ZNF565: variants seen among roughly 807,000 people sequenced by gnomAD.
The protein encoded by ZNF565 is zinc finger protein 565.
ZNF565 carries 27 observed loss-of-function variants against 39.4 expected under a neutral mutation model. The ratio of observed to expected loss-of-function variants is 0.69; its 90% CI spans 0.51 to 0.95. The LOEUF is 0.95. ZNF565 is among the 40% of genes least tolerant of loss of function. ZNF565 has a pLI of 0.00. For synonymous variants in ZNF565, 185 were observed against 216.6 expected, an observed-to-expected ratio of 0.85 and a Z score of 1.28; for missense variants, 524 against 621.1, an observed-to-expected ratio of 0.84 and a Z score of 1.66.
chr19:36,183,417 A>G lies in ZNF565; in HGVS notation c.549T>C (p.Ile183=). The change falls in exon 5 of 5, where the codon ATT becomes ATC. Residue 183 remains isoleucine (I), a synonymous_variant. Transcript: ENST00000304116. ...GKAFSRGSHL[I]QHQKIHTGEK... is the part of the protein sequence containing the mutation. The stretch of plus-strand genomic sequence containing the variant: ...CACCAGTGTGAATTTTCTGATGTTG[A>G]ATAAGGTGTGAGCCACGGCTAAATG... 6.2e-7 allele frequency: 1 copy of G among 1,608,498 alleles called. No homozygotes were observed. The highest frequency in any genetic ancestry group is 1.1e-5 in the South Asian group (1 of 90,886).
At chr19:36,205,268 C>T (rs1157012960) in intron 1 of ZNF565, among the ~76,000 whole-genome samples, 2 of 152,226 alleles carry the variant, frequency 1.3e-5, no homozygotes, top group Middle Eastern at 3.4e-3. Context: ...GTGCCCACGC[C>T]TGTAATCCCA....
rs950719892 is a variant in ZNF565, at chr19:36,245,375, G to C, written c.55+101C>G. 3.9e-5 allele frequency: 27 copies of C among 692,744 alleles called. No homozygotes were observed. The highest frequency in any genetic ancestry group is 5.0e-4 in the Middle Eastern group (2 of 3,964). The allele number at this position is 692,744 out of a possible 1,614,324, so 42.9% of individuals were successfully genotyped here. A position where few individuals can be genotyped will look rare whatever the true frequency, so the allele number is the denominator to read the frequency against. On this transcript the variant is annotated intron_variant, in intron 1 of 4. Coordinates refer to the ZNF565 transcript ENST00000355114. The surrounding 1 kb of genome is among the most constrained non-coding windows in gnomAD (Gnocchi z 4.4). ...AGGGTCTGATCTGGCGGGCTCGAAG[G>C]GAGGACAGTCACTGCGACCCGGAAA...
At chr19:36,217,452 C>A (rs944274452), upstream of ZNF565, among the ~76,000 whole-genome samples, 1 of 151,648 alleles carries the variant, frequency 6.6e-6, no homozygotes, top group African/African-American at 2.4e-5. Flanking sequence ...TGGTGTACAT[C>A]GATACAACAA....
At chr19:36,211,449 T>TCTCTCACA (rs1229625965) in intron 1 of ZNF565, among the ~76,000 whole-genome samples, 46 of 137,774 alleles carry the variant, frequency 3.3e-4, no homozygotes, top group Middle Eastern at 3.9e-3. Flanking sequence ...CAACTCTCTC[T>TCTCTCACA]CACACACACA....
chr19:36,222,603 C>T (rs1346392579), intron 1 of ZNF565, among the ~76,000 whole-genome samples: 2 of 152,022 alleles, frequency 1.3e-5, no homozygotes, highest in Non-Finnish European at 2.9e-5. Context: ...GTGTAGGTTT[C>T]ATTTACATCC....
intron 4 of ZNF565, among the ~76,000 whole-genome samples, chr19:36,187,327 T>C (rs1437575049): frequency 6.6e-6 from 1 of 152,070 alleles, no homozygotes; most frequent in African/African-American, 2.4e-5. Flanking sequence ...AGCCTCCTAA[T>C]ATATATATTT....
intron 2 of ZNF565, 52 bp downstream of exon 2, chr19:36,201,925 T>G (rs1975979226): frequency 6.2e-7 from 1 of 1,605,734 alleles, no homozygotes; most frequent in Non-Finnish European, 8.5e-7. Context: ...AGTGTCCATA[T>G]AATCTGGCGG....
chr19:36,226,062 G>A (rs1030247646), intron 1 of ZNF565, among the ~76,000 whole-genome samples: 1 of 152,150 alleles, frequency 6.6e-6, no homozygotes, highest in Non-Finnish European at 1.5e-5. Flanking sequence ...GAGCCACTGC[G>A]TCCAGCCCAC....
upstream of ZNF565, among the ~76,000 whole-genome samples, chr19:36,217,842 G>A (rs904635579): frequency 1.0e-4 from 15 of 150,260 alleles, no homozygotes; most frequent in African/African-American, 3.7e-4. Context: ...CAGAGATTGC[G>A]CCATTGCACT....
chr19:36,231,135 G>C (rs1461792480), intron 1 of ZNF565, among the ~76,000 whole-genome samples: 1 of 152,178 alleles, frequency 6.6e-6, no homozygotes, highest in African/African-American at 2.4e-5. Context: ...GGCCAAGGCA[G>C]GTGTATCACT....
chr19:36,194,214 G>T lies in ZNF565; in HGVS notation c.232+19C>A, dbSNP rs374652505. 3.1e-6 allele frequency: 5 copies of T among 1,598,428 alleles called. No homozygotes were observed. Among genetic ancestry groups the T allele is most frequent in the East Asian group, 4.5e-5 (2 of 44,678 alleles). Reference sequence around the variant, plus strand: ...ACTCATCCAGGGACCTTCCCCTGTCGAAATCGGCCCTCGCTTACCTGGGCA... The same window carrying T: ...ACTCATCCAGGGACCTTCCCCTGTCTAAATCGGCCCTCGCTTACCTGGGCA... On this transcript the variant is annotated intron_variant, in intron 4 of 4. Transcript: ENST00000304116.
intron 1 of ZNF565, among the ~76,000 whole-genome samples, chr19:36,229,721 T>C (rs1977241340): frequency 6.6e-6 from 1 of 152,208 alleles, no homozygotes; most frequent in Non-Finnish European, 1.5e-5. Context: ...TAATTTGTTA[T>C]TTATTTTCAT....
intron 1 of ZNF565, chr19:36,236,528 A>G: frequency 1.2e-6 from 2 of 1,614,184 alleles, no homozygotes; most frequent in South Asian, 2.2e-5. Context: ...CCACAAATCA[A>G]ACCTCACTGA....
intron 4 of ZNF565, among the ~76,000 whole-genome samples, chr19:36,185,243 T>G (rs951986458): frequency 2.7e-4 from 41 of 151,822 alleles, no homozygotes; most frequent in African/African-American, 9.7e-4. Flanking sequence ...GAAGAAACCC[T>G]GTCTCTACTA....
chr19:36,188,585 G>T (rs1008041485), intron 4 of ZNF565, among the ~76,000 whole-genome samples: 1 of 149,548 alleles, frequency 6.7e-6, no homozygotes, highest in Non-Finnish European at 1.5e-5. Flanking sequence ...GGTGGCGGGT[G>T]CCTGTAGTCC....
At chr19:36,187,662 G>C (rs1010980140) in intron 4 of ZNF565, among the ~76,000 whole-genome samples, 1 of 141,300 alleles carries the variant, frequency 7.1e-6, no homozygotes, top group Non-Finnish European at 1.5e-5. Context: ...GGCCGAGACA[G>C]AGTCTTGCTC....
At chr19:36,232,391 C>T (rs1379673221) in intron 1 of ZNF565, among the ~76,000 whole-genome samples, 2 of 151,880 alleles carry the variant, frequency 1.3e-5, no homozygotes, top group African/African-American at 4.8e-5. Flanking sequence ...TCTGCTTGTC[C>T]ATTACTTCAT....
intron 1 of ZNF565, among the ~76,000 whole-genome samples, chr19:36,226,072 C>T (rs1289691608): frequency 2.0e-5 from 3 of 152,102 alleles, no homozygotes; most frequent in Non-Finnish European, 2.9e-5. Context: ...GTCCAGCCCA[C>T]GGTAACATTT....
intron 1 of ZNF565, among the ~76,000 whole-genome samples, chr19:36,206,003 C>G (rs139401011): frequency 2.0e-5 from 3 of 151,408 alleles, no homozygotes; most frequent in Non-Finnish European, 4.4e-5. Context: ...GCTCTGTCAC[C>G]GAGGCTGGAG....
Sources: allele counts gnomAD v4.1 joint callset (sites outside exome capture counted in the v4.1 genomes callset), GRCh38; gene constraint gnomAD v4.1.1; non-coding constraint Gnocchi (gnomAD v3.1); transcripts MANE v1.5; gene names NCBI Gene and HGNC (gene_info 2026-07-23, HGNC 2026-07-21).